NOC3L: variants seen among roughly 807,000 people sequenced by gnomAD.
NOC3L encodes the protein nucleolar complex protein 3 homolog.
NOC3L carries 85 observed loss-of-function variants against 102.5 expected under a neutral mutation model. The observed-to-expected ratio is 0.83, with a 90% CI of 0.70 to 0.99. NOC3L has a LOEUF of 0.99. Among genes scored for constraint, NOC3L ranks in the 50% least tolerant of loss-of-function variants. The pLI, the probability that NOC3L is intolerant of heterozygous loss-of-function variation, is 0.00. For missense variants in NOC3L, 878 were observed against 914.9 expected, an observed-to-expected ratio of 0.96 and a Z score of 0.52; for synonymous variants, 303 against 309.4, an observed-to-expected ratio of 0.98 and a Z score of 0.22.
At chr10:94,326,168 C>G in the NOC3L span, among the ~76,000 whole-genome samples, 8 of 152,200 alleles carry the variant, frequency 5.3e-5, no homozygotes, top group East Asian at 1.5e-3. Context: ...TTAAAATTCC[C>G]AAGATGAACA....
chr10:94,338,541 GA>G (rs1564909096), intron 18 of NOC3L, 66 bp downstream of exon 18: 5 of 1,396,342 alleles, frequency 3.6e-6, no homozygotes, highest in Non-Finnish European at 4.7e-6. Flanking sequence ...ACAACTATTT[GA>G]AGAAAAACTG....
chr10:94,339,571 A>G (rs2054258308), intron 17 of NOC3L, among the ~76,000 whole-genome samples, 168 bp downstream of exon 17: 1 of 152,180 alleles, frequency 6.6e-6, no homozygotes, highest in African/African-American at 2.4e-5. Flanking sequence ...AATAGGTATA[A>G]AATGCTTTTT....
chr10:94,347,413 A>C (rs1203231433), intron 10 of NOC3L, among the ~76,000 whole-genome samples: 13 of 152,104 alleles, frequency 8.5e-5, no homozygotes, highest in Admixed American at 8.5e-4. Flanking sequence ...ACGAAAAATA[A>C]CTCCAAATCA....
chr10:94,317,771 AACTT>A, the NOC3L span, among the ~76,000 whole-genome samples: 2 of 152,168 alleles, frequency 1.3e-5, no homozygotes, highest in East Asian at 3.8e-4. Flanking sequence ...AAACCCTACT[AACTT>A]AAGAATGACA....
chr10:94,325,050 C>T, the NOC3L span: 1 of 1,614,188 alleles, frequency 6.2e-7, no homozygotes, highest in Non-Finnish European at 8.5e-7. Flanking sequence ...GTGGCTTGTC[C>T]TCCAGTGACA....
intron 4 of NOC3L, 49 bp downstream of exon 4, chr10:94,357,125 C>A: frequency 2.3e-6 from 3 of 1,318,828 alleles, no homozygotes; most frequent in South Asian, 1.9e-5. Flanking sequence ...AACATGATAT[C>A]AGTAAGGGGG....
the NOC3L span, chr10:94,315,179 T>C: frequency 3.3e-6 from 1 of 304,676 alleles, no homozygotes; most frequent in East Asian, 8.5e-5. Context: ...CAGCATTTCA[T>C]CATTTATAGA....
rs767745666 is a variant in NOC3L, at chr10:94,340,484, G to C, written c.1657C>G (p.Gln553Glu). The C allele has an allele frequency of 4.5e-6, 4 of 895,778 alleles. No homozygotes were observed. The highest frequency in any genetic ancestry group is 1.3e-5 in the South Asian group (1 of 76,974). 55.5% of individuals were successfully genotyped at this position (895,778 alleles called of 1,614,324 possible). A position where few individuals can be genotyped will look rare whatever the true frequency, so the allele number is the denominator to read the frequency against. Residue 553 changes from glutamine to glutamate, a missense_variant, in exon 15 of 21, where the codon CAA (glutamine) becomes GAA (glutamate). Transcript: ENST00000371361. ...GTCTGGACACAGTGAAGACTTTCTT[G>C]ATAGCTTAGGTCCTTTAAAAAAAAA... is the stretch of plus-strand genomic sequence containing the variant. ...TLIESGDLSYQESLHCVQTAF... is the reference protein window; with the variant it reads ...TLIESGDLSYEESLHCVQTAF...
chr10:94,362,022 T>A, intron 1 of NOC3L, 150 bp from the exon 2 acceptor site: 1 of 705,694 alleles, frequency 1.4e-6, no homozygotes, highest in South Asian at 1.5e-5. Flanking sequence ...AACCAAACGA[T>A]GGCTTTAATC....
chr10:94,325,237 C>T, the NOC3L span: 1 of 691,012 alleles, frequency 1.4e-6, no homozygotes, highest in Non-Finnish European at 2.6e-6. Context: ...GGAATGGGAC[C>T]TTAAAACAGG....
chr10:94,325,187 T>C, the NOC3L span: 1 of 1,011,064 alleles, frequency 9.9e-7, no homozygotes. Flanking sequence ...ACAATGTCTT[T>C]TATCTTTTCC....
chr10:94,317,286 C>T, the NOC3L span, among the ~76,000 whole-genome samples: 5 of 152,094 alleles, frequency 3.3e-5, no homozygotes, highest in African/African-American at 7.2e-5. Flanking sequence ...TGTTTTCTCA[C>T]ACAAATAAAC....
chr10:94,340,227 T>C (rs1266729108), intron 16 of NOC3L, 49 bp downstream of exon 16: 11 of 1,467,280 alleles, frequency 7.5e-6, no homozygotes, highest in Non-Finnish European at 1.0e-5. Context: ...CATAACATAT[T>C]CTTAAAACAT....
At chr10:94,316,972 C>T in the NOC3L span, among the ~76,000 whole-genome samples, 4 of 152,188 alleles carry the variant, frequency 2.6e-5, no homozygotes, top group East Asian at 1.9e-4. Context: ...TCCCTTAGAC[C>T]GGGCGTGGTG....
intron 13 of NOC3L, among the ~76,000 whole-genome samples, chr10:94,344,008 A>G (rs2054314965): frequency 6.6e-6 from 1 of 152,228 alleles, no homozygotes; most frequent in Non-Finnish European, 1.5e-5. Context: ...TGAATACACC[A>G]AAAGATCTAT....
At chr10:94,333,109 GA>G (rs2054178268), downstream of NOC3L, 1 of 152,096 alleles carries the variant, frequency 6.6e-6, no homozygotes, top group Non-Finnish European at 1.5e-5. Flanking sequence ...TACTTCATGT[GA>G]AAAAAGAACT....
chr10:94,317,773 C>G, the NOC3L span, among the ~76,000 whole-genome samples: 1 of 152,100 alleles, frequency 6.6e-6, no homozygotes, highest in Admixed American at 6.6e-5. Context: ...ACCCTACTAA[C>G]TTAAGAATGA....
downstream of NOC3L, chr10:94,328,761 T>A (rs575501279): frequency 6.6e-6 from 1 of 152,352 alleles, no homozygotes; most frequent in South Asian, 2.1e-4. Context: ...TTTTTTTACA[T>A]ATAGAAATAA....
chr10:94,329,796 A>AAAAC (rs1564905172), downstream of NOC3L: 3 of 150,312 alleles, frequency 2.0e-5, no homozygotes, highest in Non-Finnish European at 4.4e-5. Flanking sequence ...AAAAAAAAAA[A>AAAAC]AAAAAAAAAA....
Sources: gnomAD v4.1 joint callset for allele counts (sites outside exome capture counted in the v4.1 genomes callset) on GRCh38, gnomAD v4.1.1 for gene constraint, MANE v1.5 for transcripts, NCBI Gene and HGNC (gene_info 2026-07-23, HGNC 2026-07-21) for gene names.